BRF1: variants seen among roughly 807,000 people sequenced by gnomAD.
BRF1 encodes transcription factor IIIB 90 kDa subunit.
A neutral mutation model predicts 81.7 loss-of-function variants in BRF1; 59 were observed. The observed-to-expected ratio is 0.72, with a 90% confidence interval of 0.59 to 0.90. The LOEUF (loss-of-function observed/expected upper bound fraction) is 0.90. BRF1 is among the 40% of genes least tolerant of loss of function. The pLI is 0.00. For synonymous variants in BRF1, 491 were observed against 395.6 expected (o/e 1.24, Z -2.86); for missense variants, 1,050 against 936.3 (o/e 1.12, Z -1.58).
intron 3 of BRF1, among the ~76,000 whole-genome samples, chr14:105,258,216 C>T (rs1157923187): frequency 2.0e-5 from 3 of 152,232 alleles, no homozygotes; most frequent in East Asian, 3.8e-4. Flanking sequence ...GGGCTGGACG[C>T]GGTGACTCAC....
At chr14:105,290,433 T>C (rs1455293168) in intron 1 of BRF1, among the ~76,000 whole-genome samples, 2 of 151,890 alleles carry the variant, frequency 1.3e-5, no homozygotes, top group Non-Finnish European at 2.9e-5. Flanking sequence ...AACAAATAAA[T>C]AAAAAGCCCC....
At chr14:105,227,106 A>AT (rs587631162) in intron 7 of BRF1, 8 of 255,190 alleles carry the variant, frequency 3.1e-5, no homozygotes, top group Non-Finnish European at 5.2e-5. Context: ...GCAGAGTGAG[A>AT]TTTTGTCTCA....
chr14:105,256,780 G>A (rs923867597), intron 3 of BRF1, among the ~76,000 whole-genome samples: 2 of 152,190 alleles, frequency 1.3e-5, no homozygotes, highest in African/African-American at 4.8e-5. Flanking sequence ...TGTGAACCCA[G>A]TACCAGGACA....
intron 11 of BRF1, 120 bp from the exon 12 acceptor site, chr14:105,220,250 C>T (rs1892062576): frequency 1.8e-6 from 2 of 1,104,908 alleles, no homozygotes; most frequent in Admixed American, 1.9e-5. Flanking sequence ...AACCCCGTCC[C>T]CTCCTCTGCA....
chr14:105,314,691 C>A (rs1275204201), intron 1 of BRF1: 1 of 141,260 alleles, frequency 7.1e-6, no homozygotes, highest in Non-Finnish European at 1.6e-5. Context: ...GCGCGCGGGG[C>A]GGCCGGGGGC....
At chr14:105,211,559 G>T in intron 16 of BRF1, 1 of 508,946 alleles carries the variant, frequency 2.0e-6, no homozygotes, top group Middle Eastern at 5.1e-4. Context: ...CCCAGTGCTC[G>T]GGGAGCATGC....
chr14:105,252,549 G>A lies in BRF1; in HGVS notation c.502C>T (p.Leu168Phe). The A allele has an allele frequency of 5.0e-6, 8 of 1,613,918 alleles. No homozygotes were observed. Among genetic ancestry groups the A allele is most frequent in the Non-Finnish European group, 6.8e-6 (8 of 1,179,986 alleles). Reference sequence around the variant, plus strand: ...ATGCAGAGCTCTCTTGCCAAGAGAAGAAACGTCTTTCCAAGCACGTACACA... The same window carrying A: ...ATGCAGAGCTCTCTTGCCAAGAGAAAAAACGTCTTTCCAAGCACGTACACA... ...VNVYVLGKTF[L>F]LLARELCINA... is the part of the protein sequence containing the mutation. Residue 168 changes from leucine (L) to phenylalanine (F), a missense_variant, in exon 5 of 18, where the codon CTT (leucine) becomes TTT (phenylalanine). Around this residue, in one of 2 missense-constraint regions of BRF1, gnomAD observed 1,043 missense variants for 915.4 expected, o/e 1.14. Transcript: ENST00000547530.
intron 6 of BRF1, among the ~76,000 whole-genome samples, chr14:105,229,399 C>A (rs1337497161): frequency 1.3e-5 from 2 of 152,240 alleles, no homozygotes; most frequent in South Asian, 2.1e-4. Flanking sequence ...TGGACTGAAT[C>A]CTGCAGCGCA....
intron 15 of BRF1, 30 bp downstream of exon 15, chr14:105,217,514 C>T: frequency 6.2e-7 from 1 of 1,600,596 alleles, no homozygotes; most frequent in South Asian, 1.1e-5. Flanking sequence ...GGCTGCTGCC[C>T]TAACCCAGCC....
At chr14:105,275,112 T>C (rs587641403) in intron 2 of BRF1, among the ~76,000 whole-genome samples, 1 of 152,336 alleles carries the variant, frequency 6.6e-6, no homozygotes, top group South Asian at 2.1e-4. Flanking sequence ...GGCTGATGTT[T>C]TGCTCACGCC....
At chr14:105,314,202 G>C (rs994349541) in intron 1 of BRF1, among the ~76,000 whole-genome samples, 1 of 151,986 alleles carries the variant, frequency 6.6e-6, no homozygotes, top group Non-Finnish European at 1.5e-5. Flanking sequence ...GGAGGGGCTC[G>C]GGGACGGGCG....
rs587719926 is a variant in BRF1 at position 105,217,356 on chromosome 14, C to T, written c.1772+188G>A. The T allele has an allele frequency of 7.8e-5, 70 of 903,016 alleles. No individual in the cohort carries two copies. The Admixed American group carries it at 1.4e-3, about 18-fold the overall frequency. The allele number at this position is 903,016 out of a possible 1,614,324, so 55.9% of individuals were successfully genotyped here. The stretch of plus-strand genomic sequence containing the variant: ...CCCGTCCGCTCACAGCCTGCCAGGC[C>T]AAGGAGAGTTGAGACACTGTCAAGG... On this transcript the variant is annotated intron_variant, in intron 15 of 17. Transcript: ENST00000547530.
intron 5 of BRF1, chr14:105,242,302 C>G (rs587668963): frequency 1.3e-5 from 2 of 152,126 alleles, no homozygotes; most frequent in African/African-American, 2.4e-5. Flanking sequence ...AAGATAAAAA[C>G]CAATGATTTG....
chr14:105,228,884 A>G lies in BRF1; in HGVS notation c.724T>C (p.Phe242Leu). Reference protein sequence around the residue: ...ALLVAARMHDFRRTVKEVISV... With the variant: ...ALLVAARMHDLRRTVKEVISV... ...ATGACCTCCTTCACAGTCCTCCTGA[A>G]GTCATGCATTCTGGCTGCAACCAGG... is the stretch of plus-strand genomic sequence containing the variant. The change falls in exon 7 of 18, where the codon TTC becomes CTC. Residue 242 changes from phenylalanine (F) to leucine (L), a missense_variant. By Grantham distance (22) the Phe-to-Leu change is conservative. Around this residue, in one of 2 missense-constraint regions of BRF1, gnomAD observed 1,043 missense variants for 915.4 expected, o/e 1.14. Transcript: ENST00000547530. 1 of 1,613,828 alleles carries G rather than the reference A, an allele frequency of 6.2e-7. No individual in the cohort carries two copies. Among genetic ancestry groups the G allele is most frequent in the South Asian group, 1.1e-5 (1 of 91,086 alleles).
chr14:105,265,287 C>T (rs60393004), intron 3 of BRF1, among the ~76,000 whole-genome samples: 1 of 151,996 alleles, frequency 6.6e-6, no homozygotes, highest in Non-Finnish European at 1.5e-5. Context: ...TCAAGTGATC[C>T]ACCCACCTCA....
At chr14:105,215,949 ACAGG>A (rs1184356228) in intron 15 of BRF1, among the ~76,000 whole-genome samples, 1 of 145,374 alleles carries the variant, frequency 6.9e-6, no homozygotes, top group Non-Finnish European at 1.5e-5. Context: ...ATACACAGAC[ACAGG>A]CACACACACA....
At chr14:105,307,340 A>C (rs2140663393) in intron 1 of BRF1, among the ~76,000 whole-genome samples, 1 of 151,726 alleles carries the variant, frequency 6.6e-6, no homozygotes, top group South Asian at 2.1e-4. Flanking sequence ...GCTAGATACC[A>C]CCCCCAAGCC....
chr14:105,267,777 G>A (rs587688474), intron 3 of BRF1, among the ~76,000 whole-genome samples: 2 of 152,244 alleles, frequency 1.3e-5, no homozygotes, highest in Non-Finnish European at 2.9e-5. Flanking sequence ...GGCAGAAGGA[G>A]GTGCTGGCCA....
At chr14:105,275,925 C>T (rs961115324) in intron 2 of BRF1, among the ~76,000 whole-genome samples, 3 of 147,234 alleles carry the variant, frequency 2.0e-5, no homozygotes, top group East Asian at 2.0e-4. Context: ...AGCTGAGAGG[C>T]GGCCCTCACT....
Sources: allele counts gnomAD v4.1 joint callset (sites outside exome capture counted in the v4.1 genomes callset), GRCh38; gene constraint gnomAD v4.1.1; regional missense constraint gnomAD v4.1.1; transcripts MANE v1.5; gene names NCBI Gene and HGNC (gene_info 2026-07-23, HGNC 2026-07-21).